The following MYO5C variants were observed in gnomAD, a reference collection of about 807,000 sequenced individuals.
MYO5C encodes myosin VC, also known as unconventional myosin-Vc.
MYO5C carries 194 observed loss-of-function variants against 235.7 expected under a neutral mutation model. The observed-to-expected ratio is 0.82, with a 90% CI of 0.73 to 0.93. The LOEUF is 0.93. MYO5C is among the 40% of genes least tolerant of loss of function. The probability of loss-of-function intolerance (pLI) is 0.00; values close to 1 mark genes in which losing one functional copy is unlikely to be tolerated. For missense variants in MYO5C, 2,038 were observed against 2,127.2 expected, an observed-to-expected ratio of 0.96 and a Z score of 0.82; for synonymous variants, 707 against 754.8, an observed-to-expected ratio of 0.94 and a Z score of 1.04.
In MYO5C at chr15:52,225,129, G is replaced by A. The variant is rs901248826; in HGVS notation, c.3311C>T (p.Ser1104Leu). 7.4e-6 allele frequency: 12 copies of A among 1,613,974 alleles called. No individual in the cohort carries two copies. The highest frequency in any genetic ancestry group is 1.7e-4 in the Middle Eastern group (1 of 6,050). Residue 1104 changes from serine (S) to leucine (L), a missense_variant, in exon 27 of 41, where the codon TCA (serine) becomes TTA (leucine). Ser to Leu is a moderately radical substitution (Grantham distance 145). Coordinates refer to ENST00000261839, the MANE Select transcript of MYO5C (RefSeq NM_018728.4). ...SQKREMREKM[S>L]EITKQLLESY... ...TTCGAGAAGTTGTTTGGTGATCTCTGACATCTTTTCTGAAAGGGAAAGGCA... is the reference window on the plus strand; with the variant it reads ...TTCGAGAAGTTGTTTGGTGATCTCTAACATCTTTTCTGAAAGGGAAAGGCA...
At chr15:52,210,040 T>G (rs1007508111) in intron 35 of MYO5C, among the ~76,000 whole-genome samples, 2 of 152,206 alleles carry the variant, frequency 1.3e-5, no homozygotes, top group Admixed American at 1.3e-4. Flanking sequence ...CTTGGCTTAC[T>G]GCAACCTCTG....
Position 52,208,556 on chromosome 15 carries a change from C to T in MYO5C, c.4384G>A (p.Glu1462Lys), listed in dbSNP as rs761488652. 3 of 1,613,890 alleles carry T rather than the reference C, an allele frequency of 1.9e-6. No homozygotes were observed. Among genetic ancestry groups the T allele is most frequent in the African/African-American group, 2.7e-5 (2 of 74,926 alleles). ...LNCLKQYSGE[E>K]EFMKHNSPQQ... Reference sequence around the variant, plus strand: ...ACAAGCAGGTGGGCGCCCCCTACCTCTTCTCCGCTGTACTGCTTCAGGCAA... The same window carrying T: ...ACAAGCAGGTGGGCGCCCCCTACCTTTTCTCCGCTGTACTGCTTCAGGCAA... The change falls in exon 36 of 41, where the codon GAG (glutamate) becomes AAG (lysine). Residue 1462 changes from glutamate (E) to lysine (K), a missense_variant and splice_region_variant. Glu to Lys is a moderately conservative substitution (Grantham distance 56). Transcript: ENST00000261839.
intron 35 of MYO5C, among the ~76,000 whole-genome samples, chr15:52,210,770 T>A (rs146122767): frequency 6.6e-6 from 1 of 152,382 alleles, no homozygotes; most frequent in East Asian, 1.9e-4. Context: ...CATTGATCAC[T>A]TATGGAGTTT....
chr15:52,212,657 G>T (rs956929822), intron 34 of MYO5C, among the ~76,000 whole-genome samples: 5 of 152,326 alleles, frequency 3.3e-5, no homozygotes, highest in Middle Eastern at 3.4e-3. Flanking sequence ...AGTAAGATTG[G>T]TTCTATGACC....
At chr15:52,274,674 C>CCG (rs1555420132) in intron 5 of MYO5C, among the ~76,000 whole-genome samples, 1 of 147,668 alleles carries the variant, frequency 6.8e-6, no homozygotes, top group Non-Finnish European at 1.5e-5. Context: ...CTTAGTACCC[C>CCG]CCCCCCGACA....
At chr15:52,262,482 G>A (rs1029820813) in intron 9 of MYO5C, among the ~76,000 whole-genome samples, 1 of 152,144 alleles carries the variant, frequency 6.6e-6, no homozygotes, top group African/African-American at 2.4e-5. Context: ...TGAGGTAACT[G>A]AGCAAGGCAA....
intron 36 of MYO5C, among the ~76,000 whole-genome samples, chr15:52,207,109 G>A (rs1161154085): frequency 4.0e-5 from 6 of 151,576 alleles, no homozygotes; most frequent in Admixed American, 1.3e-4. Context: ...CTCCAGCCTG[G>A]GTGACAGAGT....
intron 8 of MYO5C, chr15:52,265,180 A>G (rs953158382): frequency 6.6e-6 from 1 of 152,236 alleles, no homozygotes; most frequent in African/African-American, 2.4e-5. Context: ...AATTATGACT[A>G]CATACCATAT....
chr15:52,277,319 A>G (rs1250163853), intron 4 of MYO5C: 2 of 496,316 alleles, frequency 4.0e-6, no homozygotes, highest in Non-Finnish European at 8.0e-6. Context: ...ACAGCCCTAC[A>G]GTGCCAAAGA....
At chr15:52,284,457 T>G (rs1355614304) in intron 1 of MYO5C, among the ~76,000 whole-genome samples, 1 of 151,916 alleles carries the variant, frequency 6.6e-6, no homozygotes, top group Non-Finnish European at 1.5e-5. Context: ...GGCCAGGGAG[T>G]GACTCCGAAG....
intron 33 of MYO5C, chr15:52,213,496 T>C (rs2035494169): frequency 2.2e-6 from 1 of 452,250 alleles, no homozygotes; most frequent in East Asian, 3.6e-5. Flanking sequence ...CAGCTGCTGC[T>C]GAAAAGGCCC....
chr15:52,264,422 T>C, intron 8 of MYO5C, 126 bp from the exon 9 acceptor site: 1 of 734,142 alleles, frequency 1.4e-6, no homozygotes, highest in Non-Finnish European at 2.3e-6. Flanking sequence ...GAACGTGAAG[T>C]GGACCCCAGG....
chr15:52,271,940 T>A, intron 6 of MYO5C, 96 bp from the exon 7 acceptor site: 1 of 636,662 alleles, frequency 1.6e-6, no homozygotes, highest in South Asian at 2.6e-5. Flanking sequence ...CTAATCCGCA[T>A]GGATAATTCT....
intron 1 of MYO5C, among the ~76,000 whole-genome samples, chr15:52,287,103 A>T (rs1476223765): frequency 6.6e-6 from 1 of 152,160 alleles, no homozygotes; most frequent in Non-Finnish European, 1.5e-5. Flanking sequence ...CAGAAAAGTC[A>T]CTGGATGGAT....
In MYO5C at chr15:52,289,779, G is replaced by A. The variant is rs1046434682; in HGVS notation, c.27+5831C>T. Among the ~76,000 whole-genome samples, 44 of 152,186 alleles carry A rather than the reference G, an allele frequency of 2.9e-4. 1 individual carries two copies. The highest frequency in any genetic ancestry group is 8.8e-5 in the Non-Finnish European group (6 of 68,034). ...AAGCTTTGAAAATCAACCCCCACAT[G>A]GGTTTTGAGGAAGAGCCAGGCCTGG... On this transcript the variant is annotated intron_variant, in intron 1 of 40. Coordinates refer to ENST00000261839, the MANE Select transcript of MYO5C (RefSeq NM_018728.4).
chr15:52,216,427 CTGGT>C (rs1232533259), intron 32 of MYO5C, among the ~76,000 whole-genome samples: 1 of 152,078 alleles, frequency 6.6e-6, no homozygotes, highest in Non-Finnish European at 1.5e-5. Flanking sequence ...GTTGCCCTGG[CTGGT>C]TGAACTCCTG....
At chr15:52,255,894 T>C (rs550414946) in intron 11 of MYO5C, among the ~76,000 whole-genome samples, 1 of 151,956 alleles carries the variant, frequency 6.6e-6, no homozygotes, top group African/African-American at 2.4e-5. Flanking sequence ...AAAAAAAAAA[T>C]TGGAATCCAT....
intron 14 of MYO5C, 82 bp from the exon 15 acceptor site, chr15:52,247,674 A>C: frequency 6.7e-7 from 1 of 1,492,700 alleles, no homozygotes; most frequent in Non-Finnish European, 9.1e-7. Flanking sequence ...AATGGTGACA[A>C]CAACTCAGCT....
chr15:52,260,366 G>C (rs923504794), intron 10 of MYO5C, among the ~76,000 whole-genome samples: 1 of 152,204 alleles, frequency 6.6e-6, no homozygotes, highest in Non-Finnish European at 1.5e-5. Context: ...CTTGGGCAAG[G>C]TGCAAGCCTA....
Sources: allele counts gnomAD v4.1 joint callset (sites outside exome capture counted in the v4.1 genomes callset), GRCh38; gene constraint gnomAD v4.1.1; transcripts MANE v1.5; gene names NCBI Gene and HGNC (gene_info 2026-07-23, HGNC 2026-07-21).